SKAP1: variants seen among roughly 807,000 people sequenced by gnomAD.
SKAP1 encodes the protein src kinase associated phosphoprotein 1.
Under a neutral mutation model 58.5 loss-of-function variants are expected in SKAP1, and 44 were observed. The observed-to-expected ratio is 0.75, with a 90% CI of 0.59 to 0.97. The LOEUF is 0.97. SKAP1 is among the 50% of genes least tolerant of loss of function. SKAP1 has a pLI of 0.00. For synonymous variants in SKAP1, 127 were observed against 149.7 expected (o/e 0.85, Z 1.11); for missense variants, 390 against 435.2 (o/e 0.90, Z 0.92).
chr17:48,439,346 A>G, the SKAP1 span, among the ~76,000 whole-genome samples: 1 of 152,244 alleles, frequency 6.6e-6, no homozygotes, highest in African/African-American at 2.4e-5. Flanking sequence ...TGTAAGATGC[A>G]TATTGCAGAA....
In SKAP1 at chr17:48,149,040, T is replaced by A. The variant is rs545351771; in HGVS notation, c.979-11703A>T. ...ACATAGGGTATGCTAGGGTGATGTG[T>A]TCATTTGGGGTTGGAGCCTCTCTCC... On this transcript the variant is annotated intron_variant, in intron 11 of 12. Coordinates refer to ENST00000336915, the MANE Select transcript of SKAP1 (RefSeq NM_003726.4). 3.3e-5 allele frequency among the ~76,000 whole-genome samples: 5 copies of A among 152,288 alleles called. No individual in the cohort carries two copies. In the South Asian group the frequency reaches 1.0e-3, roughly 32 times the overall value.
At chr17:48,419,579 G>A (rs12945780) in intron 1 of SKAP1, among the ~76,000 whole-genome samples, 30,391 of 151,934 alleles carry the variant, frequency 0.2, 3,098 homozygotes, top group Admixed American at 0.22. Context: ...CACCATGCCC[G>A]GCCAGAAAAG....
intron 4 of SKAP1, among the ~76,000 whole-genome samples, chr17:48,234,458 C>G (rs138869864): frequency 6.6e-6 from 1 of 152,100 alleles, no homozygotes; most frequent in African/African-American, 2.4e-5. Flanking sequence ...TGGTACAGGG[C>G]TAGACATGGA....
At chr17:48,218,240 G>A (rs755601138) in intron 4 of SKAP1, among the ~76,000 whole-genome samples, 9 of 152,212 alleles carry the variant, frequency 5.9e-5, no homozygotes, top group Non-Finnish European at 1.2e-4. Flanking sequence ...TCAGGAGGAA[G>A]ACTAGCTGGC....
At chr17:48,348,339 T>TAA (rs1431547627) in intron 3 of SKAP1, among the ~76,000 whole-genome samples, 1 of 102,074 alleles carries the variant, frequency 9.8e-6, no homozygotes, top group African/African-American at 3.7e-5. Context: ...GAGCCCTGCC[T>TAA]CAAAAAAAAA....
intron 1 of SKAP1, among the ~76,000 whole-genome samples, chr17:48,404,786 C>G (rs1344043111): frequency 6.6e-6 from 1 of 151,598 alleles, no homozygotes; most frequent in Non-Finnish European, 1.5e-5. Flanking sequence ...GTATTAAAAG[C>G]AAAAATTTTT....
At chr17:48,217,739 A>T (rs927932282) in intron 4 of SKAP1, among the ~76,000 whole-genome samples, 4 of 152,324 alleles carry the variant, frequency 2.6e-5, no homozygotes, top group East Asian at 1.9e-4. Context: ...TTAAAAAAAA[A>T]TTTTAACAGC....
At chr17:48,412,183 A>C (rs1355794827) in intron 1 of SKAP1, among the ~76,000 whole-genome samples, 14 of 152,128 alleles carry the variant, frequency 9.2e-5, no homozygotes, top group Non-Finnish European at 1.2e-4. Context: ...GTATAATCTT[A>C]ATGTTTTGCA....
chr17:48,227,527 C>T (rs966427371), intron 4 of SKAP1, among the ~76,000 whole-genome samples: 2 of 152,128 alleles, frequency 1.3e-5, no homozygotes, highest in African/African-American at 4.8e-5. Flanking sequence ...CTAATTAATG[C>T]CAATTGAGCA....
At chr17:48,365,205 C>A (rs991627117) in intron 2 of SKAP1, among the ~76,000 whole-genome samples, 1 of 152,112 alleles carries the variant, frequency 6.6e-6, no homozygotes, top group Non-Finnish European at 1.5e-5. Flanking sequence ...ACTTTGGCAT[C>A]CCAAAGTGTT....
upstream of SKAP1, among the ~76,000 whole-genome samples, chr17:48,434,342 A>G (rs2067931122): frequency 6.6e-6 from 1 of 152,236 alleles, no homozygotes; most frequent in African/African-American, 2.4e-5. Context: ...TTGAAGGCAG[A>G]GGAGATGGAC....
chr17:48,334,876 C>T (rs2066548829), intron 4 of SKAP1, among the ~76,000 whole-genome samples: 1 of 151,554 alleles, frequency 6.6e-6, no homozygotes, highest in African/African-American at 2.4e-5. Context: ...ATTCACATAT[C>T]TTAAGGGAGA....
At chr17:48,156,558 A>G (rs1480599031) in intron 11 of SKAP1, 1 of 488,694 alleles carries the variant, frequency 2.0e-6, no homozygotes, top group South Asian at 1.6e-5. Context: ...GAAATATCTG[A>G]GTCCAAAAGG....
At chr17:48,203,398 A>G (rs1323346042) in intron 4 of SKAP1, among the ~76,000 whole-genome samples, 1 of 152,240 alleles carries the variant, frequency 6.6e-6, no homozygotes, top group Non-Finnish European at 1.5e-5. Context: ...CAAAGTTTAG[A>G]AGACATGCAG....
intron 4 of SKAP1, among the ~76,000 whole-genome samples, chr17:48,300,533 G>A (rs1018514316): frequency 3.9e-5 from 6 of 152,176 alleles, no homozygotes; most frequent in Admixed American, 3.9e-4. Context: ...GATTGCATGT[G>A]ATTTTCCATG....
intron 4 of SKAP1, among the ~76,000 whole-genome samples, chr17:48,208,927 T>C (rs66950931): frequency 0.038 from 5,771 of 152,286 alleles, 125 homozygotes; most frequent in South Asian, 0.054. Flanking sequence ...GGCCTGTATC[T>C]AAATCTCCCT....
At chr17:48,248,919 G>A (rs74447547) in intron 4 of SKAP1, 16,532 of 152,102 alleles carry the variant, frequency 0.11, 1,080 homozygotes, top group Middle Eastern at 0.17. Context: ...TAATTAGGCC[G>A]GCGCGGTGGC....
At chr17:48,382,976 A>G (rs1476612686) in intron 2 of SKAP1, among the ~76,000 whole-genome samples, 1 of 152,218 alleles carries the variant, frequency 6.6e-6, no homozygotes, top group Non-Finnish European at 1.5e-5. Context: ...ATGCTGGTCT[A>G]TGGAGGAGCT....
At chr17:48,408,732 A>C (rs997711060) in intron 1 of SKAP1, among the ~76,000 whole-genome samples, 1 of 152,246 alleles carries the variant, frequency 6.6e-6, no homozygotes, top group African/African-American at 2.4e-5. Context: ...CTAGTGACAA[A>C]ACTGTAGTAA....
Sources: gnomAD v4.1 joint callset for allele counts (sites outside exome capture counted in the v4.1 genomes callset) on GRCh38, gnomAD v4.1.1 for gene constraint, MANE v1.5 for transcripts, NCBI Gene and HGNC (gene_info 2026-07-23, HGNC 2026-07-21) for gene names.